Variants in PRDM7 observed in about 807,000 individuals in gnomAD.
The protein encoded by PRDM7 is PR/SET domain 7.
In PRDM7, 52 loss-of-function variants were observed where a neutral mutation model predicts 64.3. That is an observed-to-expected ratio of 0.81 (90% CI 0.65 to 1.02). The LOEUF is 1.02. PRDM7 is among the 50% of genes least tolerant of loss of function. PRDM7 has a pLI of 0.00. For missense variants in PRDM7, 574 were observed against 597.1 expected, an observed-to-expected ratio of 0.96 and a Z score of 0.40; for synonymous variants, 192 against 210.1, an observed-to-expected ratio of 0.91 and a Z score of 0.74.
intron 4 of PRDM7, among the ~76,000 whole-genome samples, chr16:90,073,486 G>A (rs937604145): frequency 6.6e-6 from 1 of 150,520 alleles, no homozygotes; most frequent in Non-Finnish European, 1.5e-5. Context: ...TGCAAGCTCC[G>A]CCTCCCGGGT....
Position 90,075,526 on chromosome 16 carries a change from G to A in PRDM7, c.70-52C>T, listed in dbSNP as rs199794063. Reference sequence around the variant, plus strand: ...TGATTTACTAATACACATCGAGCTGGTCCTTTTCCTCTACCCTGCGTGTAG... The same window carrying A: ...TGATTTACTAATACACATCGAGCTGATCCTTTTCCTCTACCCTGCGTGTAG... On this transcript the variant is annotated intron_variant, in intron 2 of 10. Coordinates refer to ENST00000449207, the MANE Select transcript of PRDM7 (RefSeq NM_001098173.2). The surrounding 1 kb of genome is among the most constrained non-coding windows in gnomAD (Gnocchi z 4.3). 2 of 1,613,876 alleles carry A rather than the reference G, an allele frequency of 1.2e-6. No homozygotes were observed. Among genetic ancestry groups the A allele is most frequent in the Admixed American group, 1.7e-5 (1 of 60,006 alleles).
rs2037791859 is a variant in PRDM7, at chr16:90,062,210, A to C, written c.611-18T>G. 2.5e-6 allele frequency: 4 copies of C among 1,614,152 alleles called. No individual in the cohort carries two copies. The highest frequency in any genetic ancestry group is 2.2e-5 in the East Asian group (1 of 44,906). The stretch of plus-strand genomic sequence containing the variant: ...CTCACAATCTGGAAGTGAGGGAAGC[A>C]GGGATTAGGAAAGTTGTAATGCATG... On this transcript the variant is annotated intron_variant, in intron 7 of 10. Coordinates refer to ENST00000449207, the MANE Select transcript of PRDM7 (RefSeq NM_001098173.2).
rs746199937 is a variant in PRDM7 at position 90,061,447 on chromosome 16, C to G, written c.950+5G>C. On this transcript the variant is annotated splice_donor_5th_base_variant and intron_variant, in intron 9 of 10. Transcript: ENST00000449207. Reference sequence around the variant, plus strand: ...CTCTGAAACTAAGAGACCTAGTGGCCTTACCTCATCCAGTTGGCCGAGGAT... The same window carrying G: ...CTCTGAAACTAAGAGACCTAGTGGCGTTACCTCATCCAGTTGGCCGAGGAT... 3 of 1,589,820 alleles carry G rather than the reference C, an allele frequency of 1.9e-6. No homozygotes were observed. Among genetic ancestry groups the G allele is most frequent in the Non-Finnish European group, 2.6e-6 (3 of 1,157,884 alleles).
intron 1 of PRDM7, 89 bp downstream of exon 1, chr16:90,077,137 T>C (rs1484308404): frequency 6.6e-6 from 1 of 152,096 alleles, no homozygotes; most frequent in Non-Finnish European, 1.5e-5. Flanking sequence ...TTGGGGTCTT[T>C]TGAGGCTGAG....
chr16:90,068,565 G>A (rs1435535911), intron 4 of PRDM7, among the ~76,000 whole-genome samples: 1 of 149,922 alleles, frequency 6.7e-6, no homozygotes, highest in Non-Finnish European at 1.5e-5. Flanking sequence ...AACCTTGGAA[G>A]TGGAGCTTGT....
chr16:90,074,265 A>G (rs1046012685), intron 4 of PRDM7, among the ~76,000 whole-genome samples: 2 of 140,504 alleles, frequency 1.4e-5, no homozygotes, highest in Admixed American at 7.2e-5. Context: ...GTCTGTAATA[A>G]TAGTAACAAT....
chr16:90,073,925 A>G (rs114315199), intron 4 of PRDM7, among the ~76,000 whole-genome samples: 4,392 of 151,968 alleles, frequency 0.029, 155 homozygotes, highest in African/African-American at 0.078. Context: ...TGGGATTATA[A>G]GCACCCATCA....
chr16:90,068,567 G>T (rs1397170876), intron 4 of PRDM7, among the ~76,000 whole-genome samples: 1 of 149,480 alleles, frequency 6.7e-6, no homozygotes, highest in African/African-American at 2.5e-5. Flanking sequence ...CCTTGGAAGT[G>T]GAGCTTGTAG....
In PRDM7 at chr16:90,057,763, G is replaced by A. The variant is rs749762944; in HGVS notation, c.*526C>T. On this transcript the variant is annotated 3_prime_UTR_variant, in exon 11 of 11. Coordinates refer to ENST00000449207, the MANE Select transcript of PRDM7 (RefSeq NM_001098173.2). ...AGACTTTCGCTGAAGCCACCTCAGA[G>A]CTGGGGTGTGCAAGTGTGTGGTGAT... The A allele has an allele frequency of 3.8e-6, 5 of 1,311,662 alleles. No homozygotes were observed. Among genetic ancestry groups the A allele is most frequent in the Non-Finnish European group, 5.0e-6 (5 of 998,460 alleles). 81.3% of individuals were successfully genotyped at this position (1,311,662 alleles called of 1,614,324 possible).
chr16:90,058,816 G>T (rs1004011215), intron 10 of PRDM7, among the ~76,000 whole-genome samples: 1 of 152,084 alleles, frequency 6.6e-6, no homozygotes, highest in African/African-American at 2.4e-5. Context: ...TCCTTACATA[G>T]ATGGAACTGC....
chr16:90,073,430 C>T (rs1336417994), intron 4 of PRDM7, among the ~76,000 whole-genome samples: 3 of 148,516 alleles, frequency 2.0e-5, no homozygotes, highest in East Asian at 2.0e-4. Flanking sequence ...GATGGAGTCT[C>T]GCTCTGTCGC....
chr16:90,057,923 T>C lies in PRDM7; in HGVS notation c.*366A>G, dbSNP rs1431908824. 1 of 1,579,490 alleles carries C rather than the reference T, an allele frequency of 6.3e-7. No homozygotes were observed. Among genetic ancestry groups the C allele is most frequent in the Non-Finnish European group, 8.6e-7 (1 of 1,157,056 alleles). On this transcript the variant is annotated 3_prime_UTR_variant, in exon 11 of 11. Coordinates refer to ENST00000449207, the MANE Select transcript of PRDM7 (RefSeq NM_001098173.2). ...GACTGACTTCCGGCTAAAGCCCCGC[T>C]CACACTCTCTGCAGACATAAGGCTT...
In PRDM7 at chr16:90,058,217, T is replaced by C; in HGVS notation, c.*72A>G. 6.2e-7 allele frequency: 1 copy of C among 1,614,216 alleles called. No homozygotes were observed. Among genetic ancestry groups the C allele is most frequent in the African/African-American group, 1.3e-5 (1 of 75,068 alleles). On this transcript the variant is annotated 3_prime_UTR_variant, in exon 11 of 11. Transcript: ENST00000449207. Reference sequence around the variant, plus strand: ...TCTTCCATCATTCTTTCTCCCACTCTAGAGCTCCCCATTTGTCCTTTGGGT... The same window carrying C: ...TCTTCCATCATTCTTTCTCCCACTCCAGAGCTCCCCATTTGTCCTTTGGGT...
Position 90,066,849 on chromosome 16 carries a change from G to A in PRDM7, c.351+12C>T, listed in dbSNP as rs761590287. ...GAAGGTTTCTTGTCAACAGGATTTG[G>A]GAGATACTTACCTTCTGGTGTTTAC... On this transcript the variant is annotated intron_variant, in intron 5 of 10. Transcript: ENST00000449207. 1 of 1,574,654 alleles carries A rather than the reference G, an allele frequency of 6.4e-7. No homozygotes were observed. The highest frequency in any genetic ancestry group is 1.1e-5 in the South Asian group (1 of 90,406).
intron 5 of PRDM7, among the ~76,000 whole-genome samples, chr16:90,064,401 GGTTTTGTTTT>G (rs557278988): frequency 2.8e-5 from 4 of 142,644 alleles, no homozygotes; most frequent in African/African-American, 7.5e-5. Context: ...TGGCATACAT[GGTTTTGTTTT>G]GTTTTGTTTT....
Position 90,062,432 on chromosome 16 carries a change from C to T in PRDM7, c.579G>A (p.Glu193=). 1 of 1,614,134 alleles carries T rather than the reference C, an allele frequency of 6.2e-7. No individual in the cohort carries two copies. Among genetic ancestry groups the T allele is most frequent in the Non-Finnish European group, 8.5e-7 (1 of 1,180,028 alleles). ...LRERKGHAYK[E]ISEPQDDDYL... is the part of the protein sequence containing the mutation. ...AGTCATCATCCTGTGGCTCGCTGATCTCTTTGTATGCATGACCCTTTCTTT... is the reference window on the plus strand; with the variant it reads ...AGTCATCATCCTGTGGCTCGCTGATTTCTTTGTATGCATGACCCTTTCTTT... Residue 193 remains glutamate, a synonymous_variant, in exon 7 of 11, where the codon GAG becomes GAA. Coordinates refer to ENST00000449207, the MANE Select transcript of PRDM7 (RefSeq NM_001098173.2).
chr16:90,062,364 A>C, intron 7 of PRDM7, 37 bp downstream of exon 7: 1 of 1,613,792 alleles, frequency 6.2e-7, no homozygotes, highest in Non-Finnish European at 8.5e-7. Context: ...CCAGGACATA[A>C]CAGCAAGCTG....
intron 9 of PRDM7, among the ~76,000 whole-genome samples, chr16:90,061,010 C>G (rs999253544): frequency 2.0e-5 from 3 of 152,202 alleles, no homozygotes; most frequent in African/African-American, 7.2e-5. Flanking sequence ...GTCTCTTTCT[C>G]TTGGCCCAAT....
rs1597695642 is a variant in PRDM7 at position 90,075,586 on chromosome 16, A to G, written c.70-112T>C. 4 of 1,554,094 alleles carry G rather than the reference A, an allele frequency of 2.6e-6. No individual in the cohort carries two copies. In the East Asian group the frequency reaches 6.7e-5, roughly 26 times the overall value. On this transcript the variant is annotated intron_variant, in intron 2 of 10. Transcript: ENST00000449207. The surrounding 1 kb of genome is among the most constrained non-coding windows in gnomAD (Gnocchi z 4.3). ...TGGGGCCTCTGGGAGTCTCTGTGAA[A>G]CATAAAGACCTTCCCTCCTTCTCCA...
Sources: allele counts gnomAD v4.1 joint callset (sites outside exome capture counted in the v4.1 genomes callset), GRCh38; gene constraint gnomAD v4.1.1; non-coding constraint Gnocchi (gnomAD v3.1); transcripts MANE v1.5; gene names NCBI Gene and HGNC (gene_info 2026-07-23, HGNC 2026-07-21).